Variants in PCDH15 observed in about 807,000 individuals in gnomAD.
PCDH15 encodes protocadherin-15.
In PCDH15, 129 loss-of-function variants were observed where a neutral mutation model predicts 178.5. The observed-to-expected ratio is 0.72, with a 90% CI of 0.63 to 0.84. PCDH15 has a LOEUF of 0.84. Among genes scored for constraint, PCDH15 ranks in the 40% least tolerant of loss-of-function variants. The pLI is 0.00. For missense variants in PCDH15, 2,230 were observed against 2,099.9 expected (o/e 1.06, Z -1.21); for synonymous variants, 800 against 732.0 (o/e 1.09, Z -1.50).
intron 2 of PCDH15, among the ~76,000 whole-genome samples, chr10:54,566,714 T>C (rs2089097316): frequency 6.6e-6 from 1 of 152,182 alleles, no homozygotes; most frequent in Non-Finnish European, 1.5e-5. Context: ...TGTCTGAAGG[T>C]ACCACAGTTT....
intron 18 of PCDH15, among the ~76,000 whole-genome samples, chr10:54,053,954 A>G (rs939988999): frequency 6.6e-6 from 1 of 152,154 alleles, no homozygotes; most frequent in African/African-American, 2.4e-5. Flanking sequence ...AATTTGTAAC[A>G]TGTAAAATGA....
intron 1 of PCDH15, among the ~76,000 whole-genome samples, chr10:54,753,037 C>A (rs1015712131): frequency 6.6e-6 from 1 of 152,092 alleles, no homozygotes; most frequent in Non-Finnish European, 1.5e-5. Context: ...ATACTGACTG[C>A]CTATTTATCA....
rs1554845155 is a variant in PCDH15, at chr10:53,888,300, A to ATATATGTACG, written c.3501+14942_3501+14943insCGTACATATA. On this transcript the variant is annotated intron_variant, in intron 26 of 37. Transcript: ENST00000644397. The stretch of plus-strand genomic sequence containing the variant: ...TCCAACACTATATATACATATATAT[A>ATATATGTACG]TATATATATGTATATATGTACGTAT... 7.3e-5 allele frequency among the ~76,000 whole-genome samples: 6 copies of ATATATGTACG among 82,020 alleles called. No individual in the cohort carries two copies. In the East Asian group the frequency reaches 2.2e-3, roughly 31 times the overall value. 53.8% of individuals were successfully genotyped at this position (82,020 alleles called of 152,430 possible). A position where few individuals can be genotyped will look rare whatever the true frequency, so the allele number is the denominator to read the frequency against.
intron 1 of PCDH15, among the ~76,000 whole-genome samples, chr10:55,295,750 A>AT (rs764706024): frequency 1.3e-5 from 2 of 151,968 alleles, no homozygotes; most frequent in Admixed American, 1.3e-4. Context: ...TGTGTGGGAT[A>AT]TTTTTTTTCC....
chr10:54,291,492 T>C (rs756489324), intron 8 of PCDH15, among the ~76,000 whole-genome samples: 8 of 151,988 alleles, frequency 5.3e-5, no homozygotes, highest in South Asian at 2.1e-4. Context: ...CTGAAGGAGA[T>C]AGGGACACAA....
intron 13 of PCDH15, among the ~76,000 whole-genome samples, chr10:54,177,442 C>T (rs372457991): frequency 1.3e-5 from 2 of 151,736 alleles, no homozygotes; most frequent in Admixed American, 6.6e-5. Flanking sequence ...TAACAATGTG[C>T]GAATGTAAGT....
At chr10:54,828,526 C>T (rs1333118229) in intron 3 of PCDH15, among the ~76,000 whole-genome samples, 2 of 151,562 alleles carry the variant, frequency 1.3e-5, no homozygotes, top group African/African-American at 4.8e-5. Context: ...TTTTTTCTCC[C>T]AGGAAAAAAT....
chr10:55,301,045 A>G (rs1247437566), intron 1 of PCDH15, among the ~76,000 whole-genome samples: 2 of 152,192 alleles, frequency 1.3e-5, no homozygotes, highest in South Asian at 2.1e-4. Flanking sequence ...GCTATTATGT[A>G]TAAAGCTACC....
At chr10:54,872,944 A>G (rs1275754563) in intron 3 of PCDH15, among the ~76,000 whole-genome samples, 2 of 152,226 alleles carry the variant, frequency 1.3e-5, no homozygotes, top group Middle Eastern at 3.4e-3. Context: ...CCAAGGTCTC[A>G]AAGGACATAC....
rs1554832729 is a variant in PCDH15, at chr10:53,855,899, G to GATGTGTATATATATATATATATAT, written c.3806+1275_3806+1276insATATATATATATATATATACACAT. Among the ~76,000 whole-genome samples, 14 of 77,842 alleles carry GATGTGTATATATATATATATATAT rather than the reference G, an allele frequency of 1.8e-4. 1 individual carries two copies. Among genetic ancestry groups the GATGTGTATATATATATATATATAT allele is most frequent in the African/African-American group, 1.0e-3 (14 of 13,586 alleles). The allele number at this position is 77,842 out of a possible 152,430, so 51.1% of individuals were successfully genotyped here. A position where few individuals can be genotyped will look rare whatever the true frequency, so the allele number is the denominator to read the frequency against. ...GAACTTAAAAGTTAAAAAAAAAGGT[G>GATGTGTATATATATATATATATAT]ATATGTATATATATATATATATGTA... On this transcript the variant is annotated intron_variant, in intron 28 of 37. Coordinates refer to ENST00000644397, the MANE Select transcript of PCDH15 (RefSeq NM_001384140.1).
At chr10:54,746,433 T>C (rs565373142) in intron 1 of PCDH15, among the ~76,000 whole-genome samples, 1 of 152,264 alleles carries the variant, frequency 6.6e-6, no homozygotes, top group Non-Finnish European at 1.5e-5. Flanking sequence ...TCTGCAATAA[T>C]TTGTTCACAT....
chr10:55,228,485 A>C (rs1841118345), intron 1 of PCDH15, among the ~76,000 whole-genome samples: 1 of 152,098 alleles, frequency 6.6e-6, no homozygotes, highest in South Asian at 2.1e-4. Flanking sequence ...GAAAAAAATT[A>C]AACGAAATAA....
intron 3 of PCDH15, among the ~76,000 whole-genome samples, chr10:54,444,232 T>G (rs1189672954): frequency 1.3e-5 from 2 of 151,542 alleles, no homozygotes; most frequent in African/African-American, 2.4e-5. Context: ...AACAAAGAGT[T>G]TGCTTCACAT....
At chr10:54,675,368 T>C (rs1273694705) in intron 1 of PCDH15, among the ~76,000 whole-genome samples, 1 of 151,818 alleles carries the variant, frequency 6.6e-6, no homozygotes, top group Non-Finnish European at 1.5e-5. Context: ...TAATGAAAAA[T>C]ATTTACTTCC....
intron 1 of PCDH15, among the ~76,000 whole-genome samples, chr10:55,282,463 T>C (rs1842758231): frequency 6.6e-6 from 1 of 152,156 alleles, no homozygotes; most frequent in Non-Finnish European, 1.5e-5. Flanking sequence ...TATTCACAGA[T>C]TGAATTTTAC....
At chr10:55,186,860 G>T (rs943224327) in intron 1 of PCDH15, among the ~76,000 whole-genome samples, 6 of 151,090 alleles carry the variant, frequency 4.0e-5, no homozygotes, top group Non-Finnish European at 8.9e-5. Context: ...GTACTTAGTT[G>T]GTAAAATTTA....
chr10:54,843,640 A>G (rs1397730538), intron 3 of PCDH15, among the ~76,000 whole-genome samples: 1 of 152,044 alleles, frequency 6.6e-6, no homozygotes, highest in Non-Finnish European at 1.5e-5. Context: ...TTAACATTTT[A>G]TAACATAGAG....
At chr10:55,423,529 C>A (rs1344707481) in intron 2 of PCDH15, among the ~76,000 whole-genome samples, 1 of 151,886 alleles carries the variant, frequency 6.6e-6, no homozygotes, top group Non-Finnish European at 1.5e-5. Flanking sequence ...TAAGAAAGCA[C>A]ACTATTTCCA....
rs909980928 is a variant in PCDH15 at position 54,089,908 on chromosome 10, T to C, written c.1997+76A>G. ...ACAACTACAAACAGCTGAAAGCCTC[T>C]GATTAGAAGTCTGCTTTCTTACTAA... On this transcript the variant is annotated intron_variant, in intron 16 of 37. Transcript: ENST00000644397. The C allele has an allele frequency of 4.6e-5, 52 of 1,123,020 alleles. No individual in the cohort carries two copies. In the South Asian group the frequency reaches 6.3e-4, roughly 14 times the overall value. The allele number at this position is 1,123,020 out of a possible 1,614,324, so 69.6% of individuals were successfully genotyped here.
Sources: allele counts gnomAD v4.1 joint callset (sites outside exome capture counted in the v4.1 genomes callset), GRCh38; gene constraint gnomAD v4.1.1; transcripts MANE v1.5; gene names NCBI Gene and HGNC (gene_info 2026-07-23, HGNC 2026-07-21).